SYN3: variants seen among roughly 807,000 people sequenced by gnomAD.
SYN3 encodes synapsin III.
Under a neutral mutation model 65.8 loss-of-function variants are expected in SYN3, and 35 were observed. That is an observed-to-expected ratio of 0.53 (90% CI 0.41 to 0.70). The LOEUF (loss-of-function observed/expected upper bound fraction) is 0.70, where lower values mean the gene tolerates loss of function less well. Among genes scored for constraint, SYN3 ranks in the 30% least tolerant of loss-of-function variants. SYN3 has a pLI of 0.00. For missense variants in SYN3, 680 were observed against 749.0 expected (o/e 0.91, Z 1.08); for synonymous variants, 270 against 292.9 (o/e 0.92, Z 0.80).
At position 32,878,622 on chromosome 22, in the gene SYN3, A is replaced by T. The variant is rs569384915; in HGVS notation, c.462-9497T>A. ...TGGGCCTCTTCGGTTTTCTCTTCTC[A>T]CACACACTCTCTGTTTTCATATAAA... On this transcript the variant is annotated intron_variant, in intron 4 of 13. Coordinates refer to ENST00000358763, the MANE Select transcript of SYN3 (RefSeq NM_003490.4). Among the ~76,000 whole-genome samples the T allele has an allele frequency of 5.9e-5, 9 of 152,268 alleles. No homozygotes were observed. In the South Asian group the frequency reaches 1.9e-3, roughly 32 times the overall value.
At chr22:32,746,835 C>T (rs2044948485) in intron 6 of SYN3, among the ~76,000 whole-genome samples, 1 of 152,166 alleles carries the variant, frequency 6.6e-6, no homozygotes, top group African/African-American at 2.4e-5. Context: ...AATTGCCAGC[C>T]CACATTCTTT....
intron 3 of SYN3, among the ~76,000 whole-genome samples, chr22:32,937,010 T>A (rs566328966): frequency 1.8e-4 from 28 of 152,298 alleles, no homozygotes; most frequent in African/African-American, 6.0e-4. Flanking sequence ...ACTAAACCAC[T>A]GTTTAAAGGA....
intron 3 of SYN3, among the ~76,000 whole-genome samples, chr22:32,940,727 C>T (rs2050911899): frequency 6.6e-6 from 1 of 152,126 alleles, no homozygotes; most frequent in South Asian, 2.1e-4. Flanking sequence ...ATCAATTTGT[C>T]TATCCTGTTT....
At chr22:32,618,645 G>C (rs1365725465) in intron 6 of SYN3, among the ~76,000 whole-genome samples, 1 of 152,202 alleles carries the variant, frequency 6.6e-6, no homozygotes, top group Non-Finnish European at 1.5e-5. Context: ...AATAGAACAA[G>C]AGAGGCTGCC....
rs1256514032 is a variant in SYN3, at chr22:32,987,881, GA to G, written c.312-7180del. Among the ~76,000 whole-genome samples the G allele has an allele frequency of 4.6e-5, 7 of 152,224 alleles. 1 individual carries two copies. The highest frequency in any genetic ancestry group is 3.9e-4 in the East Asian group (2 of 5,186). On this transcript the variant is annotated intron_variant, in intron 2 of 13. Coordinates refer to ENST00000358763, the MANE Select transcript of SYN3 (RefSeq NM_003490.4). ...TTCTTGGAGAGCTTACATGCTTATTGAAAAGACAAAAAATAAATAAATAAAC... is the reference window on the plus strand; with the variant it reads ...TTCTTGGAGAGCTTACATGCTTATTGAAAGACAAAAAATAAATAAATAAAC...
chr22:32,845,841 T>A (rs1230794636), intron 6 of SYN3, among the ~76,000 whole-genome samples: 1 of 152,130 alleles, frequency 6.6e-6, no homozygotes, highest in East Asian at 1.9e-4. Flanking sequence ...CCACCCCACT[T>A]CCCTTGTTCC....
intron 1 of SYN3, among the ~76,000 whole-genome samples, chr22:33,043,947 G>C (rs1465773183): frequency 1.3e-5 from 2 of 152,104 alleles, no homozygotes; most frequent in African/African-American, 4.8e-5. Context: ...CAGCTACTCG[G>C]GTGGCTGAGG....
chr22:33,035,961 C>G (rs1020558019), intron 1 of SYN3, among the ~76,000 whole-genome samples: 4 of 152,162 alleles, frequency 2.6e-5, no homozygotes, highest in African/African-American at 9.7e-5. Context: ...AGGACAAAGT[C>G]AAGACTCATT....
chr22:32,941,619 C>T (rs185255173), intron 3 of SYN3, among the ~76,000 whole-genome samples: 1 of 152,168 alleles, frequency 6.6e-6, no homozygotes, highest in Non-Finnish European at 1.5e-5. Flanking sequence ...GTCGGTGCAG[C>T]CCACCGAGCG....
chr22:32,645,706 C>A (rs1026713675), intron 6 of SYN3, among the ~76,000 whole-genome samples: 1 of 152,188 alleles, frequency 6.6e-6, no homozygotes, highest in Non-Finnish European at 1.5e-5. Context: ...GACGTAACTG[C>A]TCCCTGCCCT....
At chr22:32,709,289 C>T (rs988662518) in intron 6 of SYN3, among the ~76,000 whole-genome samples, 11 of 152,190 alleles carry the variant, frequency 7.2e-5, no homozygotes, top group Admixed American at 2.6e-4. Context: ...ACAACTTGAA[C>T]GGCATCAAAC....
intron 6 of SYN3, among the ~76,000 whole-genome samples, chr22:32,743,605 C>T (rs1011607269): frequency 2.6e-5 from 4 of 152,172 alleles, no homozygotes; most frequent in Admixed American, 2.0e-4. Context: ...TCACCAGCCA[C>T]TTGCCCACCT....
At chr22:32,670,872 G>C (rs1287387039) in intron 6 of SYN3, among the ~76,000 whole-genome samples, 1 of 152,232 alleles carries the variant, frequency 6.6e-6, no homozygotes, top group African/African-American at 2.4e-5. Flanking sequence ...GTGAGTAGGA[G>C]GGCATGGGGG....
intron 7 of SYN3, among the ~76,000 whole-genome samples, chr22:32,555,718 T>C (rs2058485289): frequency 6.6e-6 from 1 of 152,182 alleles, no homozygotes; most frequent in Non-Finnish European, 1.5e-5. Context: ...AGGCCACTCC[T>C]AGTTGGAGAT....
At chr22:32,613,188 T>A (rs1031110099) in intron 6 of SYN3, among the ~76,000 whole-genome samples, 17 of 152,134 alleles carry the variant, frequency 1.1e-4, no homozygotes, top group African/African-American at 2.9e-4. Context: ...CCTTTTTTTT[T>A]AATAAATTAA....
chr22:32,773,788 C>G (rs2045837274), intron 6 of SYN3, among the ~76,000 whole-genome samples: 1 of 152,114 alleles, frequency 6.6e-6, no homozygotes, highest in Non-Finnish European at 1.5e-5. Context: ...ATTACAGGGC[C>G]TGCAACTGAA....
intron 7 of SYN3, among the ~76,000 whole-genome samples, chr22:32,548,579 A>G (rs1301113956): frequency 1.3e-5 from 2 of 151,918 alleles, no homozygotes; most frequent in East Asian, 3.9e-4. Flanking sequence ...TCACCATGTT[A>G]GCCAGGATGG....
chr22:32,678,886 A>G (rs1215323956), intron 6 of SYN3, among the ~76,000 whole-genome samples: 7 of 152,090 alleles, frequency 4.6e-5, no homozygotes, highest in African/African-American at 1.7e-4. Context: ...TATAAGGGGA[A>G]TCATGTAGTG....
At chr22:32,748,254 T>C (rs1479967824) in intron 6 of SYN3, among the ~76,000 whole-genome samples, 2 of 152,220 alleles carry the variant, frequency 1.3e-5, no homozygotes, top group Admixed American at 6.5e-5. Context: ...TAGATACTTA[T>C]AATTCTTCAT....
Sources: allele counts gnomAD v4.1 joint callset (sites outside exome capture counted in the v4.1 genomes callset), GRCh38; gene constraint gnomAD v4.1.1; transcripts MANE v1.5; gene names NCBI Gene and HGNC (gene_info 2026-07-23, HGNC 2026-07-21).